Variants in UBAC1 observed in about 807,000 individuals in gnomAD.
The protein encoded by UBAC1 is UBA domain containing 1.
Under a neutral mutation model 45.9 loss-of-function variants are expected in UBAC1, and 27 were observed. The observed-to-expected ratio is 0.59, with a 90% CI of 0.43 to 0.81. The LOEUF (loss-of-function observed/expected upper bound fraction) is 0.81. Ranked by LOEUF, UBAC1 falls within the 30% of genes least tolerant of loss-of-function variation. The probability of loss-of-function intolerance (pLI) is 0.00; values close to 1 mark genes in which losing one functional copy is unlikely to be tolerated. For synonymous variants in UBAC1, 227 were observed against 215.5 expected, an observed-to-expected ratio of 1.05 and a Z score of -0.47; for missense variants, 529 against 539.2, an observed-to-expected ratio of 0.98 and a Z score of 0.19.
rs777046871 is a variant in UBAC1 at position 135,946,234 on chromosome 9, C to T, written c.544+35G>A. On this transcript the variant is annotated intron_variant, in intron 5 of 9. Transcript: ENST00000371756. ...GACGCTCCCCAAGGCCGGCAGTGAA[C>T]CGCCCTGGAATGCAGCATCGGGGTT... 5 of 1,485,804 alleles carry T rather than the reference C, an allele frequency of 3.4e-6. No homozygotes were observed. The East Asian group carries it at 9.0e-5, about 27-fold the overall frequency. 92.0% of individuals were successfully genotyped at this position (1,485,804 alleles called of 1,614,324 possible). A position where few individuals can be genotyped will look rare whatever the true frequency, so the allele number is the denominator to read the frequency against.
intron 3 of UBAC1, among the ~76,000 whole-genome samples, chr9:135,950,480 C>T (rs2131090889): frequency 6.6e-6 from 1 of 152,284 alleles, no homozygotes; most frequent in Non-Finnish European, 1.5e-5. Context: ...ATGAAAAAAT[C>T]AGCGATAAGC....
In UBAC1 at chr9:135,933,467, T is replaced by C; in HGVS notation, c.1151A>G (p.Asn384Ser). Residue 384 changes from asparagine (N) to serine (S), a missense_variant, in exon 10 of 10, where the codon AAT (asparagine) becomes AGT (serine). Coordinates refer to ENST00000371756, the MANE Select transcript of UBAC1 (RefSeq NM_016172.3). ...CATGACAGGCCCCGTTTCTGGATCA[T>C]TCATCCACTGGGTGCTGTTCAGTGG... ...ENPLNSTQWMNDPETGPVMLQ... is the reference protein window; with the variant it reads ...ENPLNSTQWMSDPETGPVMLQ... The C allele has an allele frequency of 6.2e-7, 1 of 1,614,140 alleles. No homozygotes were observed. The highest frequency in any genetic ancestry group is 8.5e-7 in the Non-Finnish European group (1 of 1,180,026).
intron 7 of UBAC1, among the ~76,000 whole-genome samples, chr9:135,941,361 G>A (rs4842054): frequency 0.26 from 39,374 of 151,966 alleles, 5,488 homozygotes; most frequent in Non-Finnish European, 0.32. Context: ...AGCCAAGATC[G>A]CACCACTGTA....
intron 4 of UBAC1, 32 bp downstream of exon 4, chr9:135,947,766 T>C (rs1299178878): frequency 1.9e-6 from 3 of 1,582,110 alleles, no homozygotes; most frequent in Non-Finnish European, 8.6e-7. Flanking sequence ...GGGGACCCCA[T>C]GCACCCGCCG....
At chr9:135,950,488 A>T (rs2131090898) in intron 3 of UBAC1, among the ~76,000 whole-genome samples, 1 of 152,348 alleles carries the variant, frequency 6.6e-6, no homozygotes, top group East Asian at 1.9e-4. Flanking sequence ...ATCAGCGATA[A>T]GCCTATAAGA....
rs1009642940 is a variant in UBAC1 at position 135,961,222 on chromosome 9, G to T, written c.-60C>A. The T allele has an allele frequency of 1.4e-6, 2 of 1,427,780 alleles. No homozygotes were observed. The highest frequency in any genetic ancestry group is 1.8e-6 in the Non-Finnish European group (2 of 1,098,774). The allele number at this position is 1,427,780 out of a possible 1,614,324, so 88.4% of individuals were successfully genotyped here. ...CGGGCCCCTGAAGGTCACCGGGAAG[G>T]CGGGCGGGGAGGGGGCGGGGCCAGA... On this transcript the variant is annotated 5_prime_UTR_variant, in exon 1 of 10. Coordinates refer to ENST00000371756, the MANE Select transcript of UBAC1 (RefSeq NM_016172.3).
intron 8 of UBAC1, among the ~76,000 whole-genome samples, chr9:135,938,728 C>G (rs2131081621): frequency 6.6e-6 from 1 of 151,638 alleles, no homozygotes; most frequent in East Asian, 2.0e-4. Flanking sequence ...TATGGGCAGT[C>G]AGCAGTGCTG....
chr9:135,952,771 T>C (rs1232033254), intron 3 of UBAC1, among the ~76,000 whole-genome samples: 4 of 152,270 alleles, frequency 2.6e-5, no homozygotes, highest in Non-Finnish European at 5.9e-5. Flanking sequence ...TTGGGAATAT[T>C]TGCATTCCAA....
chr9:135,947,960 C>G, intron 3 of UBAC1, 55 bp from the exon 4 acceptor site: 1 of 1,513,930 alleles, frequency 6.6e-7, no homozygotes, highest in Non-Finnish European at 9.1e-7. Flanking sequence ...AGCAAAAAGA[C>G]GATGACAACT....
intron 3 of UBAC1, 124 bp from the exon 4 acceptor site, chr9:135,948,029 A>C: frequency 1.2e-6 from 1 of 862,568 alleles, no homozygotes; most frequent in Non-Finnish European, 1.8e-6. Context: ...AGAGGTGTAA[A>C]CTCCTTGATG....
chr9:135,950,900 C>T (rs1168342491), intron 3 of UBAC1, among the ~76,000 whole-genome samples: 1 of 152,176 alleles, frequency 6.6e-6, no homozygotes, highest in Non-Finnish European at 1.5e-5. Flanking sequence ...CAAGACCAGC[C>T]TGGGCAACAC....
intron 6 of UBAC1, 155 bp from the exon 7 acceptor site, chr9:135,945,405 AC>A: frequency 1.5e-6 from 1 of 652,638 alleles, no homozygotes; most frequent in Non-Finnish European, 2.5e-6. Context: ...CACAGGTGCG[AC>A]GGAAGCGCTG....
chr9:135,958,787 G>A (rs1839497052), intron 1 of UBAC1, among the ~76,000 whole-genome samples: 1 of 152,182 alleles, frequency 6.6e-6, no homozygotes, highest in Admixed American at 6.5e-5. Context: ...GAACCACGCT[G>A]GGATGTGGTG....
Position 135,947,864 on chromosome 9 carries a change from C to T in UBAC1, c.375G>A (p.Leu125=). ...AGGAGGGCAGGTTGGCGGTGGCCCG[C>T]AGTATGGCCTCTTTATCTGGAGCTT... ...DQKAPDKEAI[L]RATANLPSYN... The change falls in exon 4 of 10, where the codon CTG becomes CTA. Residue 125 remains leucine (L), a synonymous_variant. Coordinates refer to ENST00000371756, the MANE Select transcript of UBAC1 (RefSeq NM_016172.3). The T allele has an allele frequency of 6.2e-7, 1 of 1,614,198 alleles. No homozygotes were observed. Among genetic ancestry groups the T allele is most frequent in the Non-Finnish European group, 8.5e-7 (1 of 1,180,024 alleles).
chr9:135,945,607 G>A (rs752696645), intron 6 of UBAC1: 11 of 532,808 alleles, frequency 2.1e-5, no homozygotes, highest in African/African-American at 3.8e-5. Context: ...TAACTCACAC[G>A]GGAATCCTGA....
rs1839315088 is a variant in UBAC1 at position 135,945,222 on chromosome 9, G to A, written c.682C>T (p.Leu228=). Reference sequence around the variant, plus strand: ...GTCGGGTCTTCTGCGTGTTCAATTAGCCACTCCATGGCCTGAGGCACCGAC... The same window carrying A: ...GTCGGGTCTTCTGCGTGTTCAATTAACCACTCCATGGCCTGAGGCACCGAC... ...HMSVPQAMEW[L]IEHAEDPTID... The change falls in exon 7 of 10, where the codon CTA becomes TTA. Residue 228 remains leucine, a synonymous_variant. Transcript: ENST00000371756. 6.2e-7 allele frequency: 1 copy of A among 1,604,150 alleles called. No homozygotes were observed. Among genetic ancestry groups the A allele is most frequent in the East Asian group, 2.2e-5 (1 of 44,648 alleles).
At chr9:135,934,611 G>C (rs977186327) in intron 9 of UBAC1, among the ~76,000 whole-genome samples, 16 of 152,182 alleles carry the variant, frequency 1.1e-4, no homozygotes, top group African/African-American at 3.9e-4. Context: ...AGTGAGCCGA[G>C]ATTGCGCCAC....
At chr9:135,952,827 T>C (rs1273080219) in intron 3 of UBAC1, among the ~76,000 whole-genome samples, 1 of 152,238 alleles carries the variant, frequency 6.6e-6, no homozygotes, top group Non-Finnish European at 1.5e-5. Context: ...TTAAGTGTCA[T>C]TTTGGCACTC....
rs759643367 is a variant in UBAC1, at chr9:135,961,131, C to T, written c.32G>A (p.Gly11Asp). 15 of 1,586,120 alleles carry T rather than the reference C, an allele frequency of 9.5e-6. No individual in the cohort carries two copies. The Admixed American group carries it at 2.2e-4, about 24-fold the overall frequency. Residue 11 changes from glycine to aspartate, a missense_variant, in exon 1 of 10, where the codon GGC becomes GAC. Physicochemically the swap from Gly to Asp is moderately conservative, Grantham distance 94 (BLOSUM62 -1). Coordinates refer to ENST00000371756, the MANE Select transcript of UBAC1 (RefSeq NM_016172.3). Reference sequence around the variant, plus strand: ...GCAGATGTGCAGCCGCAGCACCTTGCCCGCGAAGATCTTCTCCTCCTGCAC... The same window carrying T: ...GCAGATGTGCAGCCGCAGCACCTTGTCCGCGAAGATCTTCTCCTCCTGCAC... Reference protein sequence around the residue: MFVQEEKIFAGKVLRLHICAS... With the variant: MFVQEEKIFADKVLRLHICAS...
Sources: allele counts gnomAD v4.1 joint callset (sites outside exome capture counted in the v4.1 genomes callset), GRCh38; gene constraint gnomAD v4.1.1; transcripts MANE v1.5; gene names NCBI Gene and HGNC (gene_info 2026-07-23, HGNC 2026-07-21).